The following CACNB2 variants were observed in gnomAD, a reference collection of about 807,000 sequenced individuals.
CACNB2 encodes voltage-dependent L-type calcium channel subunit beta-2.
In CACNB2, 42 loss-of-function variants were observed where a neutral mutation model predicts 73.3. The observed-to-expected ratio is 0.57, with a 90% CI of 0.45 to 0.74. The LOEUF (loss-of-function observed/expected upper bound fraction) is 0.74, where lower values mean the gene tolerates loss of function less well. CACNB2 is among the 30% of genes least tolerant of loss of function. CACNB2 has a pLI of 0.00. For synonymous variants in CACNB2, 348 were observed against 310.3 expected, an observed-to-expected ratio of 1.12 and a Z score of -1.28; for missense variants, 940 against 853.0, an observed-to-expected ratio of 1.10 and a Z score of -1.27.
chr10:18,502,254 C>T (rs1020484830), intron 5 of CACNB2, among the ~76,000 whole-genome samples: 5 of 151,896 alleles, frequency 3.3e-5, no homozygotes, highest in Non-Finnish European at 7.4e-5. Flanking sequence ...TTGCAGTGAG[C>T]CCAGATTCGT....
chr10:18,422,200 T>G (rs1047289907), intron 3 of CACNB2, among the ~76,000 whole-genome samples: 1 of 152,228 alleles, frequency 6.6e-6, no homozygotes, highest in African/African-American at 2.4e-5. Context: ...GTCTGTGACT[T>G]TCTGAGTTGC....
intron 2 of CACNB2, among the ~76,000 whole-genome samples, chr10:18,225,073 CA>C (rs2131413695): frequency 6.6e-6 from 1 of 152,198 alleles, no homozygotes; most frequent in African/African-American, 2.4e-5. Context: ...TTAGCATGGA[CA>C]TTTCATTTCC....
chr10:18,430,144 AG>A (rs752971803), intron 3 of CACNB2, among the ~76,000 whole-genome samples: 23 of 115,044 alleles, frequency 2.0e-4, no homozygotes, highest in Non-Finnish European at 3.2e-4. Flanking sequence ...AAAAAAAAAA[AG>A]GGACATATTA....
chr10:18,453,137 A>G (rs2047093577), intron 3 of CACNB2, among the ~76,000 whole-genome samples: 1 of 152,126 alleles, frequency 6.6e-6, no homozygotes, highest in Non-Finnish European at 1.5e-5. Flanking sequence ...AACTATTAAT[A>G]TTAGAACAGC....
intron 2 of CACNB2, among the ~76,000 whole-genome samples, chr10:18,239,396 G>T (rs1274016658): frequency 3.9e-5 from 6 of 152,160 alleles, no homozygotes; most frequent in Admixed American, 1.3e-4. Context: ...CTTAGTATTT[G>T]ACTTTCTGTT....
intron 2 of CACNB2, among the ~76,000 whole-genome samples, chr10:18,192,622 C>T (rs1159034387): frequency 6.6e-6 from 1 of 152,166 alleles, no homozygotes; most frequent in African/African-American, 2.4e-5. Context: ...AATTCCTTAC[C>T]CATTAAGCAA....
intron 2 of CACNB2, among the ~76,000 whole-genome samples, chr10:18,209,923 C>T (rs7914927): frequency 0.14 from 21,348 of 152,032 alleles, 3,180 homozygotes; most frequent in African/African-American, 0.38. Flanking sequence ...TGACAAACTA[C>T]CAAAAGCTCC....
intron 2 of CACNB2, among the ~76,000 whole-genome samples, chr10:18,288,997 A>C (rs2038931363): frequency 6.6e-6 from 1 of 152,168 alleles, no homozygotes; most frequent in Non-Finnish European, 1.5e-5. Flanking sequence ...GTGAGCCAAG[A>C]TGGCATCACT....
intron 2 of CACNB2, chr10:18,400,951 TG>T: frequency 6.2e-7 from 1 of 1,606,964 alleles, no homozygotes; most frequent in Non-Finnish European, 8.5e-7. Context: ...GGAAAGGAGC[TG>T]GGGTTCTCCG....
intron 3 of CACNB2, among the ~76,000 whole-genome samples, chr10:18,479,490 G>A (rs1421028287): frequency 6.6e-6 from 1 of 152,116 alleles, no homozygotes; most frequent in African/African-American, 2.4e-5. Context: ...TTGACAAATT[G>A]TTGAGATTGT....
chr10:18,418,493 C>T (rs144864250), intron 3 of CACNB2, among the ~76,000 whole-genome samples: 92 of 152,294 alleles, frequency 6.0e-4, no homozygotes, highest in African/African-American at 2.1e-3. Flanking sequence ...TTTGAGTCCT[C>T]GTGGATGAAC....
At chr10:18,175,092 G>A (rs2033500720) in intron 2 of CACNB2, among the ~76,000 whole-genome samples, 1 of 152,048 alleles carries the variant, frequency 6.6e-6, no homozygotes, top group Non-Finnish European at 1.5e-5. Flanking sequence ...ACCTCTCTAT[G>A]GTCTTGTTTA....
chr10:18,539,827 A>C lies in CACNB2; in HGVS notation c.*103A>C. The C allele has an allele frequency of 8.6e-7, 1 of 1,161,638 alleles. No individual in the cohort carries two copies. Among genetic ancestry groups the C allele is most frequent in the East Asian group, 2.4e-5 (1 of 41,734 alleles). 72.0% of individuals were successfully genotyped at this position (1,161,638 alleles called of 1,614,324 possible). ...GGGGTCTACACTGCAATCATATGTG[A>C]TCTGTCTTGTAATATTTTGTATTAT... is the stretch of plus-strand genomic sequence containing the variant. On this transcript the variant is annotated 3_prime_UTR_variant, in exon 14 of 14. Transcript: ENST00000324631.
In CACNB2 at chr10:18,498,042, G is replaced by C. The variant is rs116029339; in HGVS notation, c.334-313G>C. Among the ~76,000 whole-genome samples the C allele has an allele frequency of 5.1e-3, 781 of 152,272 alleles. 10 individuals are homozygous for C. Among genetic ancestry groups the C allele is most frequent in the African/African-American group, 0.018 (746 of 41,550 alleles). ...GATTTTATTCATGTTTGTGTTTCCT[G>C]ATTTACAGTTGCTACAAGCGCCAAT... On this transcript the variant is annotated intron_variant, in intron 3 of 13. Coordinates refer to ENST00000324631, the MANE Select transcript of CACNB2 (RefSeq NM_201596.3).
chr10:18,529,601 G>C (rs181142430), intron 10 of CACNB2, among the ~76,000 whole-genome samples: 2 of 152,244 alleles, frequency 1.3e-5, no homozygotes, highest in Admixed American at 6.5e-5. Context: ...ACAGTGATTC[G>C]AGACAGTGAA....
intron 3 of CACNB2, among the ~76,000 whole-genome samples, chr10:18,482,656 G>A (rs2048844760): frequency 6.6e-6 from 1 of 152,010 alleles, no homozygotes; most frequent in Non-Finnish European, 1.5e-5. Context: ...GAGTACTGGT[G>A]CCCGCCACCA....
rs753780257 is a variant in CACNB2 at position 18,541,108 on chromosome 10, C to CCACTT, written c.*1387_*1391dup. ...GGAAAATAAATTTTTATAACTTCTC[C>CCACTT]CACTTCAATTTCTAACCTTGCCTAT... On this transcript the variant is annotated 3_prime_UTR_variant, in exon 14 of 14. Transcript: ENST00000324631. 2.0e-5 allele frequency: 3 copies of CCACTT among 152,512 alleles called. No individual in the cohort carries two copies. The highest frequency in any genetic ancestry group is 4.4e-5 in the Non-Finnish European group (3 of 68,026). The allele number at this position is 152,512 out of a possible 1,614,324, so 9.4% of individuals were successfully genotyped here.
chr10:18,307,933 C>T (rs61842674), intron 2 of CACNB2, among the ~76,000 whole-genome samples: 1 of 144,314 alleles, frequency 6.9e-6, no homozygotes, highest in East Asian at 2.0e-4. Context: ...CTGCTTCAGT[C>T]AGAGAAATTA....
intron 2 of CACNB2, among the ~76,000 whole-genome samples, chr10:18,155,262 T>C (rs2031948042): frequency 1.3e-5 from 2 of 152,224 alleles, no homozygotes; most frequent in African/African-American, 2.4e-5. Context: ...ACCATACATT[T>C]GTTTTACCTG....
Sources: gnomAD v4.1 joint callset for allele counts (sites outside exome capture counted in the v4.1 genomes callset) on GRCh38, gnomAD v4.1.1 for gene constraint, MANE v1.5 for transcripts, NCBI Gene and HGNC (gene_info 2026-07-23, HGNC 2026-07-21) for gene names.